The following CNTN5 variants were observed in gnomAD, a reference collection of about 807,000 sequenced individuals.
The protein encoded by CNTN5 is contactin 5.
A neutral mutation model predicts 129.1 loss-of-function variants in CNTN5; 77 were observed. The ratio of observed to expected loss-of-function variants is 0.60; its 90% CI spans 0.50 to 0.72. The LOEUF is 0.72. Ranked by LOEUF, CNTN5 falls within the 30% of genes least tolerant of loss-of-function variation. CNTN5 has a pLI of 0.00. For missense variants in CNTN5, 1,478 were observed against 1,328.8 expected, an observed-to-expected ratio of 1.11 and a Z score of -1.75; for synonymous variants, 509 against 465.6, an observed-to-expected ratio of 1.09 and a Z score of -1.20.
At chr11:99,138,380 A>G (rs1859340293) in intron 1 of CNTN5, among the ~76,000 whole-genome samples, 1 of 152,182 alleles carries the variant, frequency 6.6e-6, no homozygotes, top group Non-Finnish European at 1.5e-5. Context: ...TTGATGTACA[A>G]GCATTTGGCA....
At chr11:99,336,935 A>G (rs1866253420) in intron 2 of CNTN5, among the ~76,000 whole-genome samples, 2 of 152,326 alleles carry the variant, frequency 1.3e-5, no homozygotes, top group Middle Eastern at 3.4e-3. Context: ...AAAGGGAAAC[A>G]TGCTTGGTGT....
chr11:99,634,585 T>G (rs942620141), intron 3 of CNTN5, among the ~76,000 whole-genome samples: 4 of 152,218 alleles, frequency 2.6e-5, no homozygotes, highest in African/African-American at 9.6e-5. Flanking sequence ...AATGGAAATA[T>G]GGTTGAATTA....
At chr11:99,645,753 A>G (rs995225108) in intron 3 of CNTN5, among the ~76,000 whole-genome samples, 6 of 145,584 alleles carry the variant, frequency 4.1e-5, no homozygotes, top group Non-Finnish European at 6.1e-5. Flanking sequence ...AACAATGAGA[A>G]CACATCGCCA....
chr11:99,293,072 A>G (rs1864237239), intron 1 of CNTN5, among the ~76,000 whole-genome samples: 2 of 152,158 alleles, frequency 1.3e-5, no homozygotes, highest in African/African-American at 2.4e-5. Flanking sequence ...GGTTTGTCAT[A>G]TATGACCTGT....
rs1867049003 is a variant in CNTN5 at position 99,107,428 on chromosome 11, C to T, written c.-210+86158C>T. Among the ~76,000 whole-genome samples the T allele has an allele frequency of 2.0e-5, 3 of 151,738 alleles. No individual in the cohort carries two copies. In the South Asian group the frequency reaches 6.2e-4, roughly 32 times the overall value. On this transcript the variant is annotated intron_variant, in intron 1 of 24. Coordinates refer to ENST00000524871, the MANE Select transcript of CNTN5 (RefSeq NM_014361.4). ...GAGTATCTCTATGTTCTTGGTACTG[C>T]CTTTTAAGATTTTACATTACATATT...
At chr11:99,399,640 G>A (rs1351875317) in intron 2 of CNTN5, among the ~76,000 whole-genome samples, 1 of 151,490 alleles carries the variant, frequency 6.6e-6, no homozygotes, top group Non-Finnish European at 1.5e-5. Flanking sequence ...TGGAACAGTG[G>A]TGGAAATATT....
intron 1 of CNTN5, among the ~76,000 whole-genome samples, chr11:99,163,888 G>GC (rs1860741384): frequency 6.6e-6 from 1 of 152,194 alleles, no homozygotes; most frequent in Non-Finnish European, 1.5e-5. Context: ...ATTTGGAGGT[G>GC]AAAACAATGC....
chr11:99,698,736 A>AT, intron 3 of CNTN5, among the ~76,000 whole-genome samples: 1 of 151,232 alleles, frequency 6.6e-6, no homozygotes, highest in Non-Finnish European at 1.5e-5. Flanking sequence ...TACTTGTTAC[A>AT]TTTTCCCACA....
chr11:99,789,917 T>C (rs1945678351), intron 3 of CNTN5, among the ~76,000 whole-genome samples: 1 of 152,048 alleles, frequency 6.6e-6, no homozygotes, highest in African/African-American at 2.4e-5. Flanking sequence ...TTCAACTCTT[T>C]CTCTATCTCC....
Position 99,957,034 on chromosome 11 carries a change from G to A in CNTN5, c.877+25G>A, listed in dbSNP as rs780226403. 10 of 1,596,454 alleles carry A rather than the reference G, an allele frequency of 6.3e-6. No individual in the cohort carries two copies. In the East Asian group the frequency reaches 2.0e-4, roughly 32 times the overall value. On this transcript the variant is annotated intron_variant, in intron 8 of 24. Transcript: ENST00000524871. ...GGTAAGTTGCTTGGCCCGTTAAAATGGTCAGCCAACTCTAATTTGGAAAAT... is the reference window on the plus strand; with the variant it reads ...GGTAAGTTGCTTGGCCCGTTAAAATAGTCAGCCAACTCTAATTTGGAAAAT...
chr11:99,166,280 T>C (rs1860861466), intron 1 of CNTN5, among the ~76,000 whole-genome samples: 1 of 151,626 alleles, frequency 6.6e-6, no homozygotes, highest in African/African-American at 2.4e-5. Context: ...CACGCACCTG[T>C]AGTCCCAGCT....
At chr11:100,026,969 T>A (rs1565800850) in intron 9 of CNTN5, among the ~76,000 whole-genome samples, 1 of 152,144 alleles carries the variant, frequency 6.6e-6, no homozygotes, top group Non-Finnish European at 1.5e-5. Flanking sequence ...ATCATCTTGA[T>A]TTTGTTCCCA....
At chr11:99,285,169 T>C (rs1863877741) in intron 1 of CNTN5, among the ~76,000 whole-genome samples, 1 of 152,144 alleles carries the variant, frequency 6.6e-6, no homozygotes. Context: ...TACTCTGGAC[T>C]CAGATGTGGC....
chr11:99,240,635 C>A (rs1449405650), intron 1 of CNTN5, among the ~76,000 whole-genome samples: 2 of 152,060 alleles, frequency 1.3e-5, no homozygotes, highest in East Asian at 1.9e-4. Context: ...ACTTTTGGAT[C>A]CCTAAACCTT....
intron 1 of CNTN5, among the ~76,000 whole-genome samples, chr11:99,214,804 A>G (rs140418082): frequency 6.6e-6 from 1 of 152,256 alleles, no homozygotes; most frequent in African/African-American, 2.4e-5. Context: ...TTCCAGTGAT[A>G]CCATAAACTT....
intron 13 of CNTN5, among the ~76,000 whole-genome samples, chr11:100,151,755 T>C (rs1030873147): frequency 9.9e-5 from 15 of 152,190 alleles, no homozygotes; most frequent in African/African-American, 3.6e-4. Flanking sequence ...ATGAGTATTT[T>C]TTTTCCAGAA....
At chr11:100,064,842 G>A (rs890286899) in intron 10 of CNTN5, among the ~76,000 whole-genome samples, 2 of 152,018 alleles carry the variant, frequency 1.3e-5, no homozygotes, top group Admixed American at 1.3e-4. Context: ...AGGAGAAAAG[G>A]GGTAACTGAA....
intron 1 of CNTN5, among the ~76,000 whole-genome samples, chr11:99,303,216 CAGTT>C (rs1864721288): frequency 1.3e-5 from 2 of 151,538 alleles, no homozygotes; most frequent in Non-Finnish European, 2.9e-5. Context: ...TTTTAGAAGA[CAGTT>C]AATTTCTAAA....
intron 21 of CNTN5, among the ~76,000 whole-genome samples, chr11:100,328,778 A>G (rs759692805): frequency 1.2e-4 from 19 of 152,186 alleles, no homozygotes; most frequent in Non-Finnish European, 2.2e-4. Context: ...GAAAAAAAAG[A>G]AAAAGAAAAA....
Sources: allele counts gnomAD v4.1 joint callset (sites outside exome capture counted in the v4.1 genomes callset), GRCh38; gene constraint gnomAD v4.1.1; transcripts MANE v1.5; gene names NCBI Gene and HGNC (gene_info 2026-07-23, HGNC 2026-07-21).